Variants in SMAD2 observed in about 807,000 individuals in gnomAD.
SMAD2 encodes SMAD family member 2.
A neutral mutation model predicts 64.4 loss-of-function variants in SMAD2; 8 were observed. That is an observed-to-expected ratio of 0.12 (90% confidence interval 0.07 to 0.22). SMAD2 has a LOEUF of 0.22. Among genes scored for constraint, SMAD2 ranks in the 10% least tolerant of loss-of-function variants. SMAD2 has a pLI of 1.00. For missense variants in SMAD2, 289 were observed against 561.2 expected (o/e 0.51, Z 4.90); for synonymous variants, 203 against 195.8 (o/e 1.04, Z -0.31).
chr18:47,862,140 T>C (rs2031236245), intron 6 of SMAD2, among the ~76,000 whole-genome samples: 1 of 152,242 alleles, frequency 6.6e-6, no homozygotes, highest in South Asian at 2.1e-4. Context: ...ATGTATTTTC[T>C]ATTTATTTAA....
rs937151217 is a variant in SMAD2, at chr18:47,836,313, C to T, written c.*5514G>A. On this transcript the variant is annotated 3_prime_UTR_variant, in exon 11 of 11. Coordinates refer to ENST00000262160, the MANE Select transcript of SMAD2 (RefSeq NM_005901.6). ...CAACAAAGTTAACCCTAAGTTAGTA[C>T]ATCCCAGAATCTGCTGGATGTATAA... 2 of 223,554 alleles carry T rather than the reference C, an allele frequency of 8.9e-6. No individual in the cohort carries two copies. The highest frequency in any genetic ancestry group is 4.5e-5 in the African/African-American group (2 of 44,786). 13.8% of individuals were successfully genotyped at this position (223,554 alleles called of 1,614,324 possible). A position where few individuals can be genotyped will look rare whatever the true frequency, so the allele number is the denominator to read the frequency against.
At chr18:47,885,539 T>G (rs1359100189) in intron 2 of SMAD2, among the ~76,000 whole-genome samples, 1 of 152,150 alleles carries the variant, frequency 6.6e-6, no homozygotes, top group East Asian at 1.9e-4. Flanking sequence ...AAAATATAAG[T>G]ACATGTTATT....
At position 47,822,388 on chromosome 18, in the gene SMAD2, G is replaced by A. The variant is rs914572409; in HGVS notation, c.*19439C>T. 24 of 152,094 alleles carry A rather than the reference G, an allele frequency of 1.6e-4. No individual in the cohort carries two copies. The highest frequency in any genetic ancestry group is 5.6e-4 in the African/African-American group (23 of 41,398). The allele number at this position is 152,094 out of a possible 1,614,324, so 9.4% of individuals were successfully genotyped here. A position where few individuals can be genotyped will look rare whatever the true frequency, so the allele number is the denominator to read the frequency against. On this transcript the variant is annotated 3_prime_UTR_variant, in exon 11 of 11. Coordinates refer to ENST00000262160, the MANE Select transcript of SMAD2 (RefSeq NM_005901.6). ...GGTTACTAATCACTTTAATACCAAT[G>A]GACTAAATATTTTTTCAGAACTTCA...
intron 6 of SMAD2, among the ~76,000 whole-genome samples, chr18:47,857,916 T>C (rs993348879): frequency 6.6e-6 from 1 of 152,134 alleles, no homozygotes; most frequent in African/African-American, 2.4e-5. Flanking sequence ...TATCTGAAAG[T>C]TCTGATAAGG....
intron 6 of SMAD2, among the ~76,000 whole-genome samples, chr18:47,856,251 G>C (rs1335434380): frequency 6.6e-6 from 1 of 151,978 alleles, no homozygotes; most frequent in Non-Finnish European, 1.5e-5. Context: ...AGATATGTAA[G>C]ATATGCCCAG....
Position 47,813,794 on chromosome 18 carries a change from A to AT in SMAD2, c.*28032dup, listed in dbSNP as rs1912283090. 6.9e-6 allele frequency: 1 copy of AT among 144,862 alleles called. No homozygotes were observed. The highest frequency in any genetic ancestry group is 2.6e-5 in the African/African-American group (1 of 38,934). The allele number at this position is 144,862 out of a possible 1,614,324, so 9.0% of individuals were successfully genotyped here. A position where few individuals can be genotyped will look rare whatever the true frequency, so the allele number is the denominator to read the frequency against. ...AACCTGGGTCTTGAATAATGGATAC[A>AT]TTTGGAAGTGCAGAGCAAAGGCCAG... On this transcript the variant is annotated 3_prime_UTR_variant, in exon 11 of 11. Transcript: ENST00000262160.
At position 47,930,416 on chromosome 18, in the gene SMAD2, G is replaced by A. The variant is rs1159676261; in HGVS notation, c.-109C>T. On this transcript the variant is annotated 5_prime_UTR_variant, in exon 1 of 11. Coordinates refer to ENST00000262160, the MANE Select transcript of SMAD2 (RefSeq NM_005901.6). Reference sequence around the variant, plus strand: ...AGATCCGGGGGGTCCGGGACCTTTTGTTCCTTCCTCTTCCGATGGGATGGA... The same window carrying A: ...AGATCCGGGGGGTCCGGGACCTTTTATTCCTTCCTCTTCCGATGGGATGGA... 1.3e-5 allele frequency: 2 copies of A among 152,166 alleles called. No individual in the cohort carries two copies. Among genetic ancestry groups the A allele is most frequent in the African/African-American group, 2.4e-5 (1 of 41,418 alleles). The allele number at this position is 152,166 out of a possible 1,614,324, so 9.4% of individuals were successfully genotyped here. A position where few individuals can be genotyped will look rare whatever the true frequency, so the allele number is the denominator to read the frequency against.
intron 1 of SMAD2, among the ~76,000 whole-genome samples, chr18:47,921,040 C>T (rs1233613665): frequency 6.6e-6 from 1 of 152,116 alleles, no homozygotes; most frequent in South Asian, 2.1e-4. Flanking sequence ...GCCTGCAGTC[C>T]CAACTACTCA....
Position 47,821,076 on chromosome 18 carries a change from C to G in SMAD2, c.*20751G>C, listed in dbSNP as rs1912557843. On this transcript the variant is annotated 3_prime_UTR_variant, in exon 11 of 11. Transcript: ENST00000262160. The stretch of plus-strand genomic sequence containing the variant: ...GTTTAAATTTCTGCCATATTTCCTT[C>G]TGAGATCCGTTTAATTTCCCCTAGA... The G allele has an allele frequency of 6.6e-6, 1 of 152,108 alleles. No individual in the cohort carries two copies. The highest frequency in any genetic ancestry group is 6.5e-5 in the Admixed American group (1 of 15,270). 9.4% of individuals were successfully genotyped at this position (152,108 alleles called of 1,614,324 possible). A position where few individuals can be genotyped will look rare whatever the true frequency, so the allele number is the denominator to read the frequency against.
At chr18:47,926,413 G>T (rs949819936) in intron 1 of SMAD2, among the ~76,000 whole-genome samples, 3 of 152,156 alleles carry the variant, frequency 2.0e-5, no homozygotes, top group African/African-American at 7.2e-5. Flanking sequence ...GTCAGGCTTT[G>T]ACTATTTTTG....
At chr18:47,883,657 T>C (rs2032734993) in intron 2 of SMAD2, among the ~76,000 whole-genome samples, 1 of 152,202 alleles carries the variant, frequency 6.6e-6, no homozygotes, top group Admixed American at 6.5e-5. Context: ...GCAGATACAA[T>C]TTATTGTTAT....
intron 6 of SMAD2, among the ~76,000 whole-genome samples, chr18:47,861,078 G>A (rs1044081308): frequency 8.5e-5 from 13 of 152,082 alleles, no homozygotes; most frequent in African/African-American, 2.7e-4. Flanking sequence ...ACTGTCAGCC[G>A]GGCACAGTGG....
chr18:47,850,311 G>A lies in SMAD2; in HGVS notation c.784+963C>T, dbSNP rs8089361. ...ATTATGTATAATATATATTATGTAT[G>A]TTATATACATATTATGTATAATATA... is the stretch of plus-strand genomic sequence containing the variant. On this transcript the variant is annotated intron_variant, in intron 7 of 10. Coordinates refer to ENST00000262160, the MANE Select transcript of SMAD2 (RefSeq NM_005901.6). Among the ~76,000 whole-genome samples the A allele has an allele frequency of 9.5e-3, 125 of 13,168 alleles. 1 individual carries two copies. Among genetic ancestry groups the A allele is most frequent in the African/African-American group, 0.015 (45 of 3,010 alleles). The allele number at this position is 13,168 out of a possible 152,430, so 8.6% of individuals were successfully genotyped here. A position where few individuals can be genotyped will look rare whatever the true frequency, so the allele number is the denominator to read the frequency against.
intron 1 of SMAD2, among the ~76,000 whole-genome samples, chr18:47,911,322 G>C (rs1425555765): frequency 6.7e-6 from 1 of 150,016 alleles, no homozygotes; most frequent in Non-Finnish European, 1.5e-5. Context: ...CTGCACTCTA[G>C]TCTGGGCAAC....
rs1478475850 is a variant in SMAD2 at position 47,826,589 on chromosome 18, T to C, written c.*15238A>G. The C allele has an allele frequency of 2.6e-5, 4 of 152,224 alleles. No individual in the cohort carries two copies. The allele number at this position is 152,224 out of a possible 1,614,324, so 9.4% of individuals were successfully genotyped here. On this transcript the variant is annotated 3_prime_UTR_variant, in exon 11 of 11. Coordinates refer to ENST00000262160, the MANE Select transcript of SMAD2 (RefSeq NM_005901.6). ...CTTCCAGGTGAGGCCAACTCCCTCA[T>C]GAACGAGGAAAGACTACAACTGCTC...
At chr18:47,881,628 A>G (rs961946753) in intron 2 of SMAD2, among the ~76,000 whole-genome samples, 2 of 152,212 alleles carry the variant, frequency 1.3e-5, no homozygotes, top group Non-Finnish European at 2.9e-5. Flanking sequence ...TATTAAAATA[A>G]TAAGGACACA....
At chr18:47,913,514 A>G (rs970962223) in intron 1 of SMAD2, among the ~76,000 whole-genome samples, 2 of 152,170 alleles carry the variant, frequency 1.3e-5, no homozygotes, top group Non-Finnish European at 2.9e-5. Flanking sequence ...CATCTGTCTA[A>G]TATCTCCGGA....
At chr18:47,891,752 A>T (rs1264107362) in intron 2 of SMAD2, among the ~76,000 whole-genome samples, 1 of 152,220 alleles carries the variant, frequency 6.6e-6, no homozygotes, top group Non-Finnish European at 1.5e-5. Flanking sequence ...TGCTAAAAAA[A>T]ATAGAATTGC....
In SMAD2 at chr18:47,816,416, A is replaced by G. The variant is rs1290882845; in HGVS notation, c.*25411T>C. The G allele has an allele frequency of 1.3e-5, 2 of 152,256 alleles. No homozygotes were observed. Among genetic ancestry groups the G allele is most frequent in the South Asian group, 4.1e-4 (2 of 4,834 alleles). The allele number at this position is 152,256 out of a possible 1,614,324, so 9.4% of individuals were successfully genotyped here. On this transcript the variant is annotated 3_prime_UTR_variant, in exon 11 of 11. Transcript: ENST00000262160. ...AAAGATAGTCTGGTATAACTGCCTG[A>G]ACAACTTATTAAGAACATTAACAAG... is the stretch of plus-strand genomic sequence containing the variant.
Sources: gnomAD v4.1 joint callset for allele counts (sites outside exome capture counted in the v4.1 genomes callset) on GRCh38, gnomAD v4.1.1 for gene constraint, MANE v1.5 for transcripts, NCBI Gene and HGNC (gene_info 2026-07-23, HGNC 2026-07-21) for gene names.